MCCC1: variants seen among roughly 807,000 people sequenced by gnomAD.
The protein encoded by MCCC1 is methylcrotonyl-CoA carboxylase subunit 1, also known as methylcrotonoyl-CoA carboxylase subunit alpha, mitochondrial.
In MCCC1, 64 loss-of-function variants were observed where a neutral mutation model predicts 83.8. The observed-to-expected ratio is 0.76, with a 90% CI of 0.62 to 0.94. MCCC1 has a LOEUF of 0.94. MCCC1 is among the 40% of genes least tolerant of loss of function. The pLI is 0.00. For missense variants in MCCC1, 807 were observed against 904.7 expected, an observed-to-expected ratio of 0.89 and a Z score of 1.39; for synonymous variants, 322 against 315.4, an observed-to-expected ratio of 1.02 and a Z score of -0.22.
intron 3 of MCCC1, 147 bp from the exon 4 acceptor site, chr3:183,086,935 C>G: frequency 1.4e-6 from 1 of 716,180 alleles, no homozygotes; most frequent in Non-Finnish European, 2.4e-6. Flanking sequence ...ACTGAAGTAC[C>G]AATGTATGTC....
At chr3:183,071,869 AT>A (rs377212072) in intron 5 of MCCC1, among the ~76,000 whole-genome samples, 50 of 132,754 alleles carry the variant, frequency 3.8e-4, no homozygotes, top group Middle Eastern at 3.8e-3. Context: ...ACCCAGCTGA[AT>A]TTTTTTTTTT....
chr3:183,092,397 T>G lies in MCCC1; in HGVS notation c.273+12A>C. 1 of 1,614,184 alleles carries G rather than the reference T, an allele frequency of 6.2e-7. No individual in the cohort carries two copies. Among genetic ancestry groups the G allele is most frequent in the South Asian group, 1.1e-5 (1 of 91,084 alleles). On this transcript the variant is annotated intron_variant, in intron 3 of 18. Coordinates refer to ENST00000265594, the MANE Select transcript of MCCC1 (RefSeq NM_020166.5). ...TAAACGTAAGACGTGGCTTCCAATT[T>G]TTAACACATACCATATCTACATGCA...
Position 183,063,820 on chromosome 3 carries a change from G to A in MCCC1, c.762-6398C>T, listed in dbSNP as rs751134365. On this transcript the variant is annotated intron_variant, in intron 7 of 18. Transcript: ENST00000265594. ...ACGTCTTTCTGATGAACTACGGAAG[G>A]GACGATACTGCGGAGACCCTCCAAC... 3.9e-4 allele frequency among the ~76,000 whole-genome samples: 60 copies of A among 152,118 alleles called. 1 individual carries two copies. Among genetic ancestry groups the A allele is most frequent in the Admixed American group, 4.6e-4 (7 of 15,272 alleles).
chr3:183,113,574 A>G (rs1317067067), intron 1 of MCCC1, among the ~76,000 whole-genome samples: 1 of 151,592 alleles, frequency 6.6e-6, no homozygotes, highest in Non-Finnish European at 1.5e-5. Flanking sequence ...TAATAAAAAT[A>G]AATAAATAAA....
chr3:183,020,286 AT>A, intron 16 of MCCC1, 49 bp from the exon 17 acceptor site: 1 of 1,346,978 alleles, frequency 7.4e-7, no homozygotes, highest in Non-Finnish European at 1.1e-6. Flanking sequence ...CTATCACTAT[AT>A]TTTTACTAAT....
intron 4 of MCCC1, among the ~76,000 whole-genome samples, chr3:183,080,117 C>A (rs1717379316): frequency 6.6e-6 from 1 of 152,186 alleles, no homozygotes; most frequent in South Asian, 2.1e-4. Context: ...GACATTTTCC[C>A]CATTGTCTTG....
chr3:183,031,432 A>T (rs1446111195), intron 14 of MCCC1, among the ~76,000 whole-genome samples: 1 of 148,834 alleles, frequency 6.7e-6, no homozygotes, highest in Non-Finnish European at 1.5e-5. Context: ...ATAGTTGGTC[A>T]TTCTCACTGT....
intron 12 of MCCC1, among the ~76,000 whole-genome samples, chr3:183,038,775 G>A (rs1254419334): frequency 6.6e-6 from 1 of 152,204 alleles, no homozygotes; most frequent in African/African-American, 2.4e-5. Context: ...AGAGTGAATA[G>A]GATTTCACCG....
intron 4 of MCCC1, among the ~76,000 whole-genome samples, chr3:183,079,384 G>C (rs887371820): frequency 2.0e-5 from 3 of 152,110 alleles, no homozygotes; most frequent in Non-Finnish European, 4.4e-5. Flanking sequence ...CAAAATAAAA[G>C]GGCTACAGGC....
rs10937109 is a variant in MCCC1, at chr3:183,036,786, A to T, written c.1594+432T>A. ...GATCTCCTGACATCATGATCCGCCC[A>T]CCCTGGCCTTCTAAAGTGCTGGGAT... On this transcript the variant is annotated intron_variant, in intron 13 of 18. Coordinates refer to ENST00000265594, the MANE Select transcript of MCCC1 (RefSeq NM_020166.5). Among the ~76,000 whole-genome samples the T allele has an allele frequency of 2.0e-5, 3 of 151,654 alleles. No homozygotes were observed. In the East Asian group the frequency reaches 5.8e-4, roughly 29 times the overall value.
At chr3:183,036,149 T>C (rs1376621626) in intron 13 of MCCC1, among the ~76,000 whole-genome samples, 1 of 152,058 alleles carries the variant, frequency 6.6e-6, no homozygotes, top group Admixed American at 6.5e-5. Context: ...GTAATGAACT[T>C]CCAGTTTCCC....
intron 13 of MCCC1, among the ~76,000 whole-genome samples, chr3:183,034,395 G>A (rs1169019436): frequency 2.1e-5 from 3 of 144,772 alleles, no homozygotes; most frequent in Non-Finnish European, 4.5e-5. Context: ...AGCTTGCAGT[G>A]AGCCAAGATT....
At chr3:183,099,126 G>T in intron 1 of MCCC1, 2 of 602,848 alleles carry the variant, frequency 3.3e-6, no homozygotes, top group South Asian at 1.9e-5. Flanking sequence ...AGCCAAAGGC[G>T]CGCTGAAGCG....
At chr3:183,049,572 A>G (rs1714805173) in intron 9 of MCCC1, among the ~76,000 whole-genome samples, 1 of 147,408 alleles carries the variant, frequency 6.8e-6, no homozygotes, top group East Asian at 2.0e-4. Flanking sequence ...CTTTGTTTCA[A>G]AAAAAAAAAA....
At chr3:183,024,405 T>C (rs990473770) in intron 15 of MCCC1, among the ~76,000 whole-genome samples, 1 of 152,206 alleles carries the variant, frequency 6.6e-6, no homozygotes, top group African/African-American at 2.4e-5. Context: ...GATTAGGTTT[T>C]ACAATTTTTT....
At position 183,015,493 on chromosome 3, in the gene MCCC1, T is replaced by G; in HGVS notation, c.2123A>C (p.His708Pro). 6.2e-7 allele frequency: 1 copy of G among 1,614,126 alleles called. No individual in the cohort carries two copies. Among genetic ancestry groups the G allele is most frequent in the Non-Finnish European group, 8.5e-7 (1 of 1,179,970 alleles). ...FYREGAQANRHTPLVEFEEEE... is the reference protein window; with the variant it reads ...FYREGAQANRPTPLVEFEEEE... ...CTCCTCAAACTCGACTAAAGGAGTG[T>G]GTCTGTTGGCCTGAGCACCTTCTCT... Residue 708 changes from histidine to proline, a missense_variant, in exon 19 of 19, where the codon CAC becomes CCC. His to Pro is a moderately conservative substitution (Grantham distance 77). Transcript: ENST00000265594.
chr3:183,024,595 T>G (rs1346444697), intron 15 of MCCC1, among the ~76,000 whole-genome samples: 2 of 147,550 alleles, frequency 1.4e-5, no homozygotes, highest in Admixed American at 7.0e-5. Flanking sequence ...TACCTCACAC[T>G]CATTAGTATT....
intron 2 of MCCC1, 93 bp from the exon 3 acceptor site, chr3:183,092,638 G>T: frequency 1.3e-6 from 2 of 1,519,938 alleles, no homozygotes; most frequent in South Asian, 2.3e-5. Context: ...ATAAGGACTC[G>T]ACTGATAAGT....
intron 14 of MCCC1, chr3:183,028,963 T>A (rs961107961): frequency 6.6e-6 from 1 of 152,240 alleles, no homozygotes; most frequent in African/African-American, 2.4e-5. Context: ...CATTTTTTTT[T>A]AGCCATAAAG....
Sources: allele counts gnomAD v4.1 joint callset (sites outside exome capture counted in the v4.1 genomes callset), GRCh38; gene constraint gnomAD v4.1.1; transcripts MANE v1.5; gene names NCBI Gene and HGNC (gene_info 2026-07-23, HGNC 2026-07-21).